Variants in RBM5 observed in about 807,000 individuals in gnomAD.
The protein encoded by RBM5 is RNA-binding protein 5.
A neutral mutation model predicts 124.6 loss-of-function variants in RBM5; 15 were observed. The observed-to-expected ratio is 0.12, with a 90% CI of 0.08 to 0.19. The LOEUF (loss-of-function observed/expected upper bound fraction) is 0.19, where lower values mean the gene tolerates loss of function less well. Among genes scored for constraint, RBM5 ranks in the 10% least tolerant of loss-of-function variants. The pLI, the probability that RBM5 is intolerant of heterozygous loss-of-function variation, is 1.00. For synonymous variants in RBM5, 337 were observed against 361.2 expected, an observed-to-expected ratio of 0.93 and a Z score of 0.76; for missense variants, 580 against 1,026.5, an observed-to-expected ratio of 0.57 and a Z score of 5.94.
chr3:50,099,874 T>TAAAAA, intron 4 of RBM5, 108 bp from the exon 5 acceptor site: 3 of 797,160 alleles, frequency 3.8e-6, no homozygotes, highest in Non-Finnish European at 3.6e-6. Flanking sequence ...ACTCCCATCT[T>TAAAAA]AAAAAAAAAA....
chr3:50,107,444 T>G, intron 11 of RBM5, 38 bp from the exon 12 acceptor site: 2 of 1,491,998 alleles, frequency 1.3e-6, no homozygotes, highest in East Asian at 4.5e-5. Flanking sequence ...GTGGGAATAC[T>G]GTGATAGAAT....
rs1213274014 is a variant in RBM5, at chr3:50,115,220, AAGGTTGGTACCAGG to A, written c.1840-204_1840-191del. 3 of 535,004 alleles carry A rather than the reference AAGGTTGGTACCAGG, an allele frequency of 5.6e-6. No homozygotes were observed. The African/African-American group carries it at 6.0e-5, about 11-fold the overall frequency. 33.1% of individuals were successfully genotyped at this position (535,004 alleles called of 1,614,324 possible). On this transcript the variant is annotated intron_variant, in intron 20 of 24. Transcript: ENST00000347869. ...AGGAATCCATTTCTTAGGCTCCAAG[AAGGTTGGTACCAGG>A]AGGCTGTCAGGCCTAGCACTCAAGG...
chr3:50,090,661 G>A (rs889508706), intron 2 of RBM5, among the ~76,000 whole-genome samples: 1 of 152,172 alleles, frequency 6.6e-6, no homozygotes, highest in Admixed American at 6.5e-5. Context: ...GGTGCTCTTA[G>A]AACACATAGG....
chr3:50,104,979 T>C, intron 8 of RBM5, 98 bp from the exon 9 acceptor site: 1 of 934,080 alleles, frequency 1.1e-6, no homozygotes, highest in Non-Finnish European at 1.7e-6. Flanking sequence ...AACGATTGTT[T>C]TGTGTGGTTA....
In RBM5 at chr3:50,090,427, G is replaced by A; in HGVS notation, c.-8G>A. ...TTTGGAGCTGTGTGCTAAATCTTCA[G>A]TGGGACAATGGGTTCAGACAAAAGG... On this transcript the variant is annotated 5_prime_UTR_variant, in exon 2 of 25. In the 5' UTR this introduces an upstream ATG that the reference lacks. Transcript: ENST00000347869. 6.2e-7 allele frequency: 1 copy of A among 1,614,022 alleles called. No individual in the cohort carries two copies. Among genetic ancestry groups the A allele is most frequent in the South Asian group, 1.1e-5 (1 of 91,064 alleles).
intron 22 of RBM5, 161 bp from the exon 23 acceptor site, chr3:50,116,913 G>C (rs1290568889): frequency 6.3e-6 from 4 of 638,136 alleles, no homozygotes; most frequent in Non-Finnish European, 1.1e-5. Flanking sequence ...ATATGACTAG[G>C]TATGATGATG....
chr3:50,095,399 C>CT (rs1277873747), intron 4 of RBM5, among the ~76,000 whole-genome samples: 1 of 152,062 alleles, frequency 6.6e-6, no homozygotes, highest in East Asian at 1.9e-4. Flanking sequence ...TCTGGCCACC[C>CT]TTTTATTTGT....
intron 20 of RBM5, chr3:50,115,227 G>T (rs1271409141): frequency 1.8e-6 from 1 of 554,556 alleles, no homozygotes. Flanking sequence ...AAGAAGGTTG[G>T]TACCAGGAGG....
At position 50,099,883 on chromosome 3, in the gene RBM5, A is replaced by AG. The variant is rs1161957159; in HGVS notation, c.340-99_340-98insG. The AG allele has an allele frequency of 1.6e-5, 18 of 1,142,072 alleles. No individual in the cohort carries two copies. In the African/African-American group the frequency reaches 2.4e-4, roughly 15 times the overall value. The allele number at this position is 1,142,072 out of a possible 1,614,324, so 70.7% of individuals were successfully genotyped here. ...ACAGAGACTCCCATCTTAAAAAAAA[A>AG]AAAAACTTGGCTAATTAAACAGTTG... On this transcript the variant is annotated intron_variant, in intron 4 of 24. Transcript: ENST00000347869.
intron 16 of RBM5, 62 bp downstream of exon 16, chr3:50,110,525 T>C (rs1261469598): frequency 2.0e-6 from 3 of 1,534,282 alleles, no homozygotes; most frequent in Non-Finnish European, 2.7e-6. Context: ...CTTTGTTTAA[T>C]GAGAGTTCTT....
At chr3:50,095,535 C>A (rs1054403941) in intron 4 of RBM5, among the ~76,000 whole-genome samples, 1 of 151,962 alleles carries the variant, frequency 6.6e-6, no homozygotes, top group Non-Finnish European at 1.5e-5. Context: ...CTCTGGTCCT[C>A]ACCCTTCCTT....
chr3:50,098,798 T>TGGG (rs2090877409), intron 4 of RBM5, among the ~76,000 whole-genome samples: 1 of 152,150 alleles, frequency 6.6e-6, no homozygotes, highest in Non-Finnish European at 1.5e-5. Flanking sequence ...CAGGCTGGTC[T>TGGG]CACACTCCTG....
At chr3:50,099,949 C>T (rs374881839) in intron 4 of RBM5, 33 bp from the exon 5 acceptor site, 17 of 1,594,700 alleles carry the variant, frequency 1.1e-5, no homozygotes, top group Non-Finnish European at 3.4e-6. Context: ...GTGGCAAAAG[C>T]TTTAACTGTA....
intron 17 of RBM5, 82 bp downstream of exon 17, chr3:50,110,852 C>A: frequency 8.8e-7 from 1 of 1,142,550 alleles, no homozygotes; most frequent in African/African-American, 1.6e-5. Flanking sequence ...GAAATATTTC[C>A]TGCAAAAGAA....
rs762291043 is a variant in RBM5 at position 50,105,620 on chromosome 3, T to C, written c.766T>C (p.Ser256Pro). 1 of 1,614,172 alleles carries C rather than the reference T, an allele frequency of 6.2e-7. No homozygotes were observed. Among genetic ancestry groups the C allele is most frequent in the South Asian group, 1.1e-5 (1 of 91,084 alleles). Residue 256 changes from serine to proline, a missense_variant, in exon 10 of 25, where the codon TCT becomes CCT. By Grantham distance (74) the Ser-to-Pro change is moderately conservative (BLOSUM62 -1). Transcript: ENST00000347869. ...CATGACAGCACTGTCTCCTTACGCG[T>C]CTTTAGCTGTCAATAACATCCGCCT... Reference protein sequence around the residue: ...SIMTALSPYASLAVNNIRLIK... With the variant: ...SIMTALSPYAPLAVNNIRLIK...
In RBM5 at chr3:50,093,138, C is replaced by CA. The variant is rs556944615; in HGVS notation, c.184-568dup. 7.5e-3 allele frequency: 649 copies of CA among 86,366 alleles called. 1 individual carries two copies. Among genetic ancestry groups the CA allele is most frequent in the South Asian group, 0.019 (55 of 2,886 alleles). The allele number at this position is 86,366 out of a possible 1,614,324, so 5.3% of individuals were successfully genotyped here. On this transcript the variant is annotated intron_variant, in intron 3 of 24. Transcript: ENST00000347869. ...TGGACGACAGAGGGAGACTCTGTCT[C>CA]AAAAAAAAAAAAAACCAGAAGGCCG...
chr3:50,106,118 ATTTTTTTTTTT>A (rs61297967), intron 10 of RBM5, among the ~76,000 whole-genome samples: 492 of 32,734 alleles, frequency 0.015, 3 homozygotes, highest in South Asian at 0.032. Context: ...ACGCCCAGCT[ATTTTTTTTTTT>A]TTTTTTTTTT....
rs2091072749 is a variant in RBM5 at position 50,108,112 on chromosome 3, C to A, written c.1084C>A (p.Gln362Lys). The A allele has an allele frequency of 6.2e-7, 1 of 1,611,682 alleles. No individual in the cohort carries two copies. Among genetic ancestry groups the A allele is most frequent in the Non-Finnish European group, 8.5e-7 (1 of 1,177,912 alleles). Residue 362 changes from glutamine to lysine, a missense_variant, in exon 13 of 25, where the codon CAA becomes AAA. Gln to Lys is a moderately conservative substitution (Grantham distance 53). Around this residue, in one of 6 missense-constraint regions of RBM5, gnomAD observed 104 missense variants for 128.7 expected, o/e 0.81. Coordinates refer to ENST00000347869, the MANE Select transcript of RBM5 (RefSeq NM_005778.4). ...EGGSVDYSYLQPGQDGYAQYA... is the reference protein window; with the variant it reads ...EGGSVDYSYLKPGQDGYAQYA... Reference sequence around the variant, plus strand: ...AGGCAGTGTTGACTACAGTTATCTGCAACCAGGTCAAGATGGCTATGCCCA... The same window carrying A: ...AGGCAGTGTTGACTACAGTTATCTGAAACCAGGTCAAGATGGCTATGCCCA...
chr3:50,116,191 A>C (rs1365234976), intron 22 of RBM5: 2 of 550,700 alleles, frequency 3.6e-6, no homozygotes, highest in Non-Finnish European at 6.5e-6. Context: ...TGCACAAGGC[A>C]GAAGCACACT....
Sources: allele counts gnomAD v4.1 joint callset (sites outside exome capture counted in the v4.1 genomes callset), GRCh38; gene constraint gnomAD v4.1.1; regional missense constraint gnomAD v4.1.1; transcripts MANE v1.5; gene names NCBI Gene and HGNC (gene_info 2026-07-23, HGNC 2026-07-21).